MYH10: variants seen among roughly 807,000 people sequenced by gnomAD.
MYH10 encodes the protein myosin-10.
In MYH10, 55 loss-of-function variants were observed where a neutral mutation model predicts 257.8. The ratio of observed to expected loss-of-function variants is 0.21; its 90% CI spans 0.17 to 0.27. The LOEUF is 0.27. Among genes scored for constraint, MYH10 ranks in the 10% least tolerant of loss-of-function variants. MYH10 has a pLI of 1.00. For missense variants in MYH10, 1,631 were observed against 2,500.6 expected (o/e 0.65, Z 7.42); for synonymous variants, 854 against 921.7 (o/e 0.93, Z 1.33).
At chr17:8,563,670 C>G (rs894373042) in intron 7 of MYH10, among the ~76,000 whole-genome samples, 1 of 152,174 alleles carries the variant, frequency 6.6e-6, no homozygotes, top group African/African-American at 2.4e-5. Flanking sequence ...AGAAATTAAA[C>G]AGAGCTGGGC....
At chr17:8,579,318 C>T (rs2083615110) in intron 4 of MYH10, among the ~76,000 whole-genome samples, 2 of 151,702 alleles carry the variant, frequency 1.3e-5, no homozygotes, top group South Asian at 4.2e-4. Context: ...GTGTCCAAAA[C>T]TTAAATTTTT....
rs541098516 is a variant in MYH10, at chr17:8,507,451, G to A, written c.3215-962C>T. Reference sequence around the variant, plus strand: ...CTCTTTTCTTATTGCTTTTGCAGAAGCTGTAATGTCCTAGGATTTCCTGAT... The same window carrying A: ...CTCTTTTCTTATTGCTTTTGCAGAAACTGTAATGTCCTAGGATTTCCTGAT... On this transcript the variant is annotated intron_variant, in intron 26 of 42. Coordinates refer to ENST00000360416, the MANE Select transcript of MYH10 (RefSeq NM_001256012.3). Among the ~76,000 whole-genome samples, 7 of 152,290 alleles carry A rather than the reference G, an allele frequency of 4.6e-5. No homozygotes were observed. In the South Asian group the frequency reaches 1.5e-3, roughly 32 times the overall value.
intron 37 of MYH10, among the ~76,000 whole-genome samples, chr17:8,483,485 C>G (rs1257985933): frequency 6.6e-6 from 1 of 152,178 alleles, no homozygotes; most frequent in African/African-American, 2.4e-5. Context: ...TCTGCCTTTG[C>G]TAATATTTTA....
intron 31 of MYH10, among the ~76,000 whole-genome samples, chr17:8,494,117 C>G (rs1432747198): frequency 6.6e-6 from 1 of 152,140 alleles, no homozygotes; most frequent in African/African-American, 2.4e-5. Context: ...CGCCATCCAC[C>G]CAGGGGCCCA....
At chr17:8,479,551 G>A (rs532591923) in intron 40 of MYH10, among the ~76,000 whole-genome samples, 23 of 152,286 alleles carry the variant, frequency 1.5e-4, no homozygotes, top group African/African-American at 4.1e-4. Flanking sequence ...GGTTCTGGCC[G>A]CGAGCCCTGC....
At chr17:8,620,702 T>C (rs2085431300) in intron 2 of MYH10, among the ~76,000 whole-genome samples, 1 of 152,198 alleles carries the variant, frequency 6.6e-6, no homozygotes, top group South Asian at 2.1e-4. Flanking sequence ...ATCACAATGC[T>C]AGCATGGCTC....
At chr17:8,494,967 T>C (rs1267440112) in intron 31 of MYH10, among the ~76,000 whole-genome samples, 170 bp downstream of exon 31, 1 of 152,176 alleles carries the variant, frequency 6.6e-6, no homozygotes, top group Non-Finnish European at 1.5e-5. Context: ...ATCAAGACAC[T>C]GAGCTTCCAG....
At chr17:8,513,098 G>A (rs1025386718) in intron 23 of MYH10, among the ~76,000 whole-genome samples, 3 of 152,180 alleles carry the variant, frequency 2.0e-5, no homozygotes, top group African/African-American at 7.2e-5. Flanking sequence ...CTTTGTCCAT[G>A]AAGAAAACTT....
chr17:8,578,244 T>TTTC (rs1491551197), intron 4 of MYH10, among the ~76,000 whole-genome samples: 183 of 1,918 alleles, frequency 0.095, 1 homozygote, highest in African/African-American at 0.11. Flanking sequence ...TCTTTCTTTC[T>TTTC]TTTTTTTTTT....
chr17:8,630,291 C>T (rs1598024209), intron 1 of MYH10, among the ~76,000 whole-genome samples: 1 of 151,682 alleles, frequency 6.6e-6, no homozygotes, highest in African/African-American at 2.4e-5. Context: ...CTGGTCCTCA[C>T]GTCCCCACCC....
intron 25 of MYH10, among the ~76,000 whole-genome samples, chr17:8,509,551 CATT>C (rs570117219): frequency 4.1e-4 from 62 of 152,284 alleles, no homozygotes; most frequent in African/African-American, 1.3e-3. Context: ...GACAAGTCAT[CATT>C]GAGTGACCAT....
In MYH10 at chr17:8,513,890, A is replaced by C. The variant is rs747162974; in HGVS notation, c.2509T>G (p.Phe837Val). Reference protein sequence around the residue: ...VCRGYLARKAFAKKQQQLSAL... With the variant: ...VCRGYLARKAVAKKQQQLSAL... ...CTTAGTTGCTGCTGCTTCTTGGCAA[A>C]GGCCCTGAAGAACAATAAGAAAAAC... Residue 837 changes from phenylalanine (F) to valine (V), a missense_variant, in exon 22 of 43, where the codon TTT becomes GTT. This residue lies in a region of MYH10 where 116 missense variants were observed against 221.6 expected (regional missense o/e 0.52). Transcript: ENST00000360416. 1.9e-6 allele frequency: 3 copies of C among 1,613,582 alleles called. No homozygotes were observed. The African/African-American group carries it at 4.0e-5, about 22-fold the overall frequency.
chr17:8,560,497 A>G, intron 7 of MYH10: 1 of 531,386 alleles, frequency 1.9e-6, no homozygotes, highest in South Asian at 1.6e-5. Context: ...TTCTTTTGAC[A>G]TCATTGTTGA....
chr17:8,477,144 T>C lies in MYH10; in HGVS notation c.5707-96A>G. 1 of 1,428,830 alleles carries C rather than the reference T, an allele frequency of 7.0e-7. No homozygotes were observed. The highest frequency in any genetic ancestry group is 9.6e-7 in the Non-Finnish European group (1 of 1,037,600). 88.5% of individuals were successfully genotyped at this position (1,428,830 alleles called of 1,614,324 possible). ...CGTGGCAGTGTGGGGCTCTGCCTGTTACCCTTGTGAGCACGCGTGTACACG... is the reference window on the plus strand; with the variant it reads ...CGTGGCAGTGTGGGGCTCTGCCTGTCACCCTTGTGAGCACGCGTGTACACG... On this transcript the variant is annotated intron_variant, in intron 41 of 42. Coordinates refer to ENST00000360416, the MANE Select transcript of MYH10 (RefSeq NM_001256012.3). The surrounding 1 kb of genome is among the most constrained non-coding windows in gnomAD (Gnocchi z 4.2).
chr17:8,630,628 C>G (rs931102812), intron 1 of MYH10, 26 bp downstream of exon 1: 5 of 152,726 alleles, frequency 3.3e-5, no homozygotes, highest in African/African-American at 4.8e-5. Flanking sequence ...GCCGTGCACT[C>G]GGACCCGGGT....
At chr17:8,612,577 G>A (rs1431224023) in intron 2 of MYH10, among the ~76,000 whole-genome samples, 1 of 152,146 alleles carries the variant, frequency 6.6e-6, no homozygotes. Flanking sequence ...ATGGCCAGGT[G>A]CGGTGGCTCA....
chr17:8,508,051 T>C (rs1417649444), intron 26 of MYH10, among the ~76,000 whole-genome samples: 1 of 152,162 alleles, frequency 6.6e-6, no homozygotes, highest in African/African-American at 2.4e-5. Flanking sequence ...GAGCCCTTTT[T>C]ATTATGTTTT....
rs2081027066 is a variant in MYH10 at position 8,504,966 on chromosome 17, C to G, written c.3387-60G>C. On this transcript the variant is annotated intron_variant, in intron 27 of 42. Transcript: ENST00000360416. The surrounding 1 kb of genome is among the most constrained non-coding windows in gnomAD (Gnocchi z 5.6). ...GATGGCACCCGGATGGCCTGTTTCTCAGGCGAGCCCCAGCCCCTGAGCACC... is the reference window on the plus strand; with the variant it reads ...GATGGCACCCGGATGGCCTGTTTCTGAGGCGAGCCCCAGCCCCTGAGCACC... The G allele has an allele frequency of 2.1e-6, 3 of 1,443,244 alleles. No homozygotes were observed. Among genetic ancestry groups the G allele is most frequent in the Non-Finnish European group, 2.9e-6 (3 of 1,031,502 alleles). 89.4% of individuals were successfully genotyped at this position (1,443,244 alleles called of 1,614,324 possible).
In MYH10 at chr17:8,592,481, C is replaced by CATGGATATTGAAAAGATAATAAGAAA. The variant is rs2084184716; in HGVS notation, c.503-3399_503-3374dup. On this transcript the variant is annotated intron_variant, in intron 3 of 42. Coordinates refer to ENST00000360416, the MANE Select transcript of MYH10 (RefSeq NM_001256012.3). Reference sequence around the variant, plus strand: ...TTAAAAAGTAGTATGATTAAGAACCCATGGATATTGAAAAGATAATAAGAA... The same window carrying CATGGATATTGAAAAGATAATAAGAAA: ...TTAAAAAGTAGTATGATTAAGAACCCATGGATATTGAAAAGATAATAAGAAAATGGATATTGAAAAGATAATAAGAA... 8.6e-5 allele frequency among the ~76,000 whole-genome samples: 13 copies of CATGGATATTGAAAAGATAATAAGAAA among 151,944 alleles called. No individual in the cohort carries two copies. In the South Asian group the frequency reaches 2.7e-3, roughly 32 times the overall value.
Sources: gnomAD v4.1 joint callset for allele counts (sites outside exome capture counted in the v4.1 genomes callset) on GRCh38, gnomAD v4.1.1 for gene constraint, gnomAD v4.1.1 regional missense constraint, Gnocchi (gnomAD v3.1) non-coding constraint, MANE v1.5 for transcripts, NCBI Gene and HGNC (gene_info 2026-07-23, HGNC 2026-07-21) for gene names.